The following PTER variants were observed in gnomAD, a reference collection of about 807,000 sequenced individuals.
The protein encoded by PTER is N-acetyltaurine hydrolase.
Under a neutral mutation model 29.6 loss-of-function variants are expected in PTER, and 38 were observed. That is an observed-to-expected ratio of 1.28 (90% CI 0.99 to 1.68). PTER has a LOEUF of 1.68. Among genes scored for constraint, PTER ranks in the 40% most tolerant of loss-of-function variants. The pLI, the probability that PTER is intolerant of heterozygous loss-of-function variation, is 0.00. For missense variants in PTER, 482 were observed against 427.8 expected (o/e 1.13, Z -1.12); for synonymous variants, 172 against 154.5 (o/e 1.11, Z -0.84).
At position 16,471,858 on chromosome 10, in the gene PTER, A is replaced by G. The variant is rs187498827; in HGVS notation, c.-48-12479A>G. On this transcript the variant is annotated intron_variant, in intron 1 of 4. Transcript: ENST00000535784. ...GTATAAATCTTTTTTACACATGTCTAAATATTCTCTTAAGACAGATTCTCA... is the reference window on the plus strand; with the variant it reads ...GTATAAATCTTTTTTACACATGTCTGAATATTCTCTTAAGACAGATTCTCA... Among the ~76,000 whole-genome samples the G allele has an allele frequency of 5.9e-4, 90 of 152,332 alleles. 1 individual carries two copies. Among genetic ancestry groups the G allele is most frequent in the African/African-American group, 2.0e-3 (83 of 41,576 alleles).
chr10:16,475,039 A>T (rs1835208991), intron 1 of PTER, among the ~76,000 whole-genome samples: 1 of 152,080 alleles, frequency 6.6e-6, no homozygotes, highest in Non-Finnish European at 1.5e-5. Context: ...AGGAAGGAGG[A>T]AGCTCTTTGG....
chr10:16,440,510 G>A (rs1833810490), intron 1 of PTER, among the ~76,000 whole-genome samples: 2 of 152,214 alleles, frequency 1.3e-5, no homozygotes. Flanking sequence ...AACCACCTGA[G>A]TACAAATACC....
At chr10:16,465,739 G>A (rs1455540033) in intron 1 of PTER, among the ~76,000 whole-genome samples, 2 of 152,164 alleles carry the variant, frequency 1.3e-5, no homozygotes, top group African/African-American at 4.8e-5. Flanking sequence ...TACTACCCAA[G>A]TCTGGGTAAT....
intron 4 of PTER, among the ~76,000 whole-genome samples, chr10:16,508,739 G>A (rs1836694871): frequency 6.6e-6 from 1 of 152,160 alleles, no homozygotes; most frequent in African/African-American, 2.4e-5. Flanking sequence ...GTATGTGTGT[G>A]TGCTTAATCT....
At chr10:16,517,551 A>G (rs1836970909), downstream of PTER, among the ~76,000 whole-genome samples, 1 of 152,182 alleles carries the variant, frequency 6.6e-6, no homozygotes, top group Admixed American at 6.5e-5. Context: ...ATCAACATTA[A>G]AGAGATTTCC....
At chr10:16,480,187 T>C (rs1047712511) in intron 1 of PTER, among the ~76,000 whole-genome samples, 6 of 126,452 alleles carry the variant, frequency 4.7e-5, no homozygotes, top group African/African-American at 7.5e-5. Flanking sequence ...GTAATTTGAC[T>C]ATAGCATTTT....
At chr10:16,440,436 T>C (rs1383964926) in intron 1 of PTER, among the ~76,000 whole-genome samples, 4 of 152,004 alleles carry the variant, frequency 2.6e-5, no homozygotes, top group African/African-American at 9.7e-5. Context: ...ATAAGAAAAA[T>C]AAAATATCTG....
At chr10:16,447,547 CAT>C (rs1206049443) in intron 1 of PTER, among the ~76,000 whole-genome samples, 1 of 152,052 alleles carries the variant, frequency 6.6e-6, no homozygotes. Context: ...TACTATATAA[CAT>C]AACAATTTCA....
chr10:16,448,271 G>T (rs958036327), intron 1 of PTER, among the ~76,000 whole-genome samples: 1 of 152,204 alleles, frequency 6.6e-6, no homozygotes, highest in South Asian at 2.1e-4. Context: ...CATTGGATCT[G>T]CTGGGTCATA....
intron 3 of PTER, among the ~76,000 whole-genome samples, chr10:16,494,789 A>G (rs572867798): frequency 6.6e-6 from 1 of 152,314 alleles, no homozygotes; most frequent in African/African-American, 2.4e-5. Context: ...ATTTAAATTT[A>G]TTTTTAATTA....
At chr10:16,489,729 C>T (rs889589716) in intron 3 of PTER, among the ~76,000 whole-genome samples, 2 of 151,496 alleles carry the variant, frequency 1.3e-5, no homozygotes, top group Non-Finnish European at 2.9e-5. Flanking sequence ...CTCCCCATGG[C>T]CTGTGACAAA....
chr10:16,457,224 GT>G (rs1044341536), intron 1 of PTER, among the ~76,000 whole-genome samples: 2 of 146,448 alleles, frequency 1.4e-5, no homozygotes, highest in Non-Finnish European at 3.0e-5. Flanking sequence ...TTGTTTGTTT[GT>G]TTTTTGAGAT....
intron 3 of PTER, among the ~76,000 whole-genome samples, chr10:16,495,245 A>C (rs1836050896): frequency 6.8e-6 from 1 of 146,484 alleles, no homozygotes; most frequent in Non-Finnish European, 1.5e-5. Context: ...ATCTCAGCTC[A>C]CTGCAACCTC....
At chr10:16,447,882 T>C (rs1344707929) in intron 1 of PTER, among the ~76,000 whole-genome samples, 1 of 152,150 alleles carries the variant, frequency 6.6e-6, no homozygotes, top group African/African-American at 2.4e-5. Flanking sequence ...TTGGAGACCA[T>C]GGGCATTTGA....
In PTER at chr10:16,511,378, T is replaced by A. The variant is rs562207405; in HGVS notation, c.*122T>A. ...CTAATGACAGATCATTTCCTTCTGA[T>A]GAGAACTAGGAGGGTTTGCCTTCTC... On this transcript the variant is annotated 3_prime_UTR_variant, in exon 5 of 5. Transcript: ENST00000535784. 7.5e-6 allele frequency: 7 copies of A among 930,456 alleles called. No homozygotes were observed. Among genetic ancestry groups the A allele is most frequent in the Non-Finnish European group, 1.2e-5 (7 of 601,280 alleles). The allele number at this position is 930,456 out of a possible 1,614,324, so 57.6% of individuals were successfully genotyped here. A position where few individuals can be genotyped will look rare whatever the true frequency, so the allele number is the denominator to read the frequency against.
intron 1 of PTER, among the ~76,000 whole-genome samples, chr10:16,453,079 A>G (rs1055437331): frequency 2.0e-5 from 3 of 151,776 alleles, no homozygotes; most frequent in Non-Finnish European, 2.9e-5. Flanking sequence ...TATAATAGAG[A>G]TGGGGTCTCA....
chr10:16,482,303 C>T (rs1461065965), intron 1 of PTER, among the ~76,000 whole-genome samples: 4 of 152,212 alleles, frequency 2.6e-5, no homozygotes, highest in South Asian at 4.1e-4. Flanking sequence ...CCTTGTCTTA[C>T]GTGTGTACTA....
chr10:16,492,650 C>G (rs45575743), intron 3 of PTER, among the ~76,000 whole-genome samples: 6 of 152,124 alleles, frequency 3.9e-5, no homozygotes, highest in African/African-American at 7.2e-5. Context: ...AATTTTTGAG[C>G]CCCCTGGAGG....
intron 1 of PTER, among the ~76,000 whole-genome samples, chr10:16,470,796 G>A (rs1321475454): frequency 6.6e-6 from 1 of 151,864 alleles, no homozygotes; most frequent in African/African-American, 2.4e-5. Flanking sequence ...TCTTCTTATG[G>A]TTCTGTTCTT....
Sources: gnomAD v4.1 joint callset for allele counts (sites outside exome capture counted in the v4.1 genomes callset) on GRCh38, gnomAD v4.1.1 for gene constraint, MANE v1.5 for transcripts, NCBI Gene and HGNC (gene_info 2026-07-23, HGNC 2026-07-21) for gene names.